RSPRY1: variants seen among roughly 807,000 people sequenced by gnomAD.
The protein encoded by RSPRY1 is ring finger and SPRY domain containing 1, also known as RING finger and SPRY domain-containing protein 1.
A neutral mutation model predicts 73.1 loss-of-function variants in RSPRY1; 23 were observed. The ratio of observed to expected loss-of-function variants is 0.31; its 90% CI spans 0.23 to 0.45. RSPRY1 has a LOEUF of 0.45. Among genes scored for constraint, RSPRY1 ranks in the 20% least tolerant of loss-of-function variants. RSPRY1 has a pLI of 1.00. For synonymous variants in RSPRY1, 226 were observed against 251.4 expected (o/e 0.90, Z 0.95); for missense variants, 448 against 698.7 (o/e 0.64, Z 4.05).
chr16:57,199,560 A>G (rs2074521350), intron 1 of RSPRY1, among the ~76,000 whole-genome samples: 1 of 152,254 alleles, frequency 6.6e-6, no homozygotes. Flanking sequence ...GAAGCTTTTA[A>G]GAGGTTAGTT....
At chr16:57,224,456 T>G (rs1412068047) in intron 10 of RSPRY1, 1 of 152,260 alleles carries the variant, frequency 6.6e-6, no homozygotes. Context: ...AAGCTGTGGA[T>G]AAACTTTCTT....
chr16:57,204,625 G>A lies in RSPRY1; in HGVS notation c.-34G>A, dbSNP rs1842345161. ...TGCAAATTCCTCAACTCCAGGTTAT[G>A]AAAACAGTACTTGGAAAACTGAAAA... On this transcript the variant is annotated 5_prime_UTR_variant, in exon 2 of 15. It removes an upstream start codon present in the reference 5' UTR. Transcript: ENST00000394420. 1 of 1,592,988 alleles carries A rather than the reference G, an allele frequency of 6.3e-7. No individual in the cohort carries two copies. Among genetic ancestry groups the A allele is most frequent in the Non-Finnish European group, 8.6e-7 (1 of 1,165,490 alleles).
At chr16:57,188,990 C>CT (rs111782511) in intron 1 of RSPRY1, among the ~76,000 whole-genome samples, 5,358 of 121,396 alleles carry the variant, frequency 0.044, 324 homozygotes, top group East Asian at 0.21. Flanking sequence ...TACTCAGTGA[C>CT]TTTTTTTTTT....
chr16:57,186,367 C>G lies in RSPRY1; in HGVS notation c.-240C>G, dbSNP rs2074175817. ...GGCAGCGCCGTGGCCTCGCGTCCAT[C>G]TTTGCCGTTCTCTCGGACCTGTCAC... is the stretch of plus-strand genomic sequence containing the variant. On this transcript the variant is annotated 5_prime_UTR_variant, in exon 1 of 15. In the 5' UTR this introduces an upstream ATG that the reference lacks. Transcript: ENST00000394420. 1 of 169,940 alleles carries G rather than the reference C, an allele frequency of 5.9e-6. No homozygotes were observed. Among genetic ancestry groups the G allele is most frequent in the Admixed American group, 6.5e-5 (1 of 15,300 alleles). The allele number at this position is 169,940 out of a possible 1,614,324, so 10.5% of individuals were successfully genotyped here. A position where few individuals can be genotyped will look rare whatever the true frequency, so the allele number is the denominator to read the frequency against.
rs1310683924 is a variant in RSPRY1 at position 57,239,037 on chromosome 16, AAG to A, written c.*64_*65del. On this transcript the variant is annotated 3_prime_UTR_variant, in exon 15 of 15. Transcript: ENST00000394420. The stretch of plus-strand genomic sequence containing the variant: ...AATTCCAGCCAATGTTGAAAAGAAA[AAG>A]AAAAAAAAAACTCTCTAATCAGTTG... 8.9e-6 allele frequency: 8 copies of A among 899,276 alleles called. No individual in the cohort carries two copies. In the African/African-American group the frequency reaches 1.4e-4, roughly 15 times the overall value. 55.7% of individuals were successfully genotyped at this position (899,276 alleles called of 1,614,324 possible). A position where few individuals can be genotyped will look rare whatever the true frequency, so the allele number is the denominator to read the frequency against.
intron 3 of RSPRY1, 44 bp from the exon 4 acceptor site, chr16:57,209,030 TA>T: frequency 7.7e-7 from 1 of 1,303,822 alleles, no homozygotes; most frequent in Non-Finnish European, 1.1e-6. Context: ...TTTCACATTT[TA>T]AAAATAGTGA....
chr16:57,192,717 T>C (rs537952603), intron 1 of RSPRY1, among the ~76,000 whole-genome samples: 66 of 148,824 alleles, frequency 4.4e-4, no homozygotes, highest in African/African-American at 1.7e-3. Flanking sequence ...TCTTTTTTTT[T>C]TTTTTTTTTT....
rs369095150 is a variant in RSPRY1, at chr16:57,231,355, C to T, written c.1529+36C>T. 7 of 1,561,962 alleles carry T rather than the reference C, an allele frequency of 4.5e-6. No individual in the cohort carries two copies. In the African/African-American group the frequency reaches 9.6e-5, roughly 21 times the overall value. ...TGCCCAGGCTATCTCCAGACTTTCA[C>T]ATGAATCTTATGAGAAATTAAACAA... On this transcript the variant is annotated intron_variant, in intron 13 of 14. Coordinates refer to ENST00000394420, the MANE Select transcript of RSPRY1 (RefSeq NM_133368.3).
At chr16:57,196,034 A>AAAAAATATAT (rs1555499007) in intron 1 of RSPRY1, among the ~76,000 whole-genome samples, 1 of 122,822 alleles carries the variant, frequency 8.1e-6, no homozygotes, top group African/African-American at 3.0e-5. Flanking sequence ...AAAAAAAAAA[A>AAAAAATATAT]ATATATATAT....
In RSPRY1 at chr16:57,230,824, C is replaced by T; in HGVS notation, c.1376+11C>T. The T allele has an allele frequency of 6.6e-7, 1 of 1,511,978 alleles. No homozygotes were observed. The highest frequency in any genetic ancestry group is 1.7e-5 in the Admixed American group (1 of 59,346). The allele number at this position is 1,511,978 out of a possible 1,614,324, so 93.7% of individuals were successfully genotyped here. A position where few individuals can be genotyped will look rare whatever the true frequency, so the allele number is the denominator to read the frequency against. On this transcript the variant is annotated intron_variant, in intron 12 of 14. Coordinates refer to ENST00000394420, the MANE Select transcript of RSPRY1 (RefSeq NM_133368.3). ...CTTTTCATCTACTGTGTAAGTAGCT[C>T]TTCTCAGTCAAAAATTCGAGTAGAT...
At chr16:57,205,146 G>A (rs1027384759) in intron 2 of RSPRY1, 138 bp downstream of exon 2, 1 of 629,776 alleles carries the variant, frequency 1.6e-6, no homozygotes, top group Non-Finnish European at 2.8e-6. Context: ...ATATTTTAAT[G>A]CTCCGCTGAT....
chr16:57,237,239 G>C (rs749594884), intron 14 of RSPRY1, among the ~76,000 whole-genome samples: 3 of 151,816 alleles, frequency 2.0e-5, no homozygotes, highest in African/African-American at 7.3e-5. Context: ...TGCCTCCTGG[G>C]TTCATGCAAT....
chr16:57,192,122 G>A (rs1023522767), intron 1 of RSPRY1, among the ~76,000 whole-genome samples: 7 of 152,112 alleles, frequency 4.6e-5, no homozygotes, highest in Non-Finnish European at 1.0e-4. Context: ...ATACATATTA[G>A]GGTCTAATAA....
chr16:57,229,047 A>G (rs1030294483), intron 11 of RSPRY1, among the ~76,000 whole-genome samples: 33 of 152,178 alleles, frequency 2.2e-4, no homozygotes, highest in African/African-American at 7.7e-4. Context: ...TAGTTGTACT[A>G]TGATATACTA....
intron 14 of RSPRY1, among the ~76,000 whole-genome samples, chr16:57,235,778 T>C (rs2075290921): frequency 6.6e-6 from 1 of 152,222 alleles, no homozygotes; most frequent in Non-Finnish European, 1.5e-5. Flanking sequence ...AAGTTGATGT[T>C]ACAAGCCAGC....
At chr16:57,207,904 A>G in intron 2 of RSPRY1, 154 bp from the exon 3 acceptor site, 3 of 629,520 alleles carry the variant, frequency 4.8e-6, no homozygotes, top group East Asian at 2.7e-5. Context: ...TCATCCTTAC[A>G]GGTCATAGCT....
chr16:57,238,290 A>G (rs554101579), intron 14 of RSPRY1, among the ~76,000 whole-genome samples: 116 of 152,366 alleles, frequency 7.6e-4, no homozygotes, highest in African/African-American at 2.6e-3. Flanking sequence ...TAAAAAGAGC[A>G]ACATGATTTT....
chr16:57,205,183 T>C, intron 2 of RSPRY1, 175 bp downstream of exon 2: 1 of 580,550 alleles, frequency 1.7e-6, no homozygotes, highest in Non-Finnish European at 3.1e-6. Context: ...AGATTTGATG[T>C]TTTTGCTTGC....
At chr16:57,206,448 C>T (rs1293938266) in intron 2 of RSPRY1, among the ~76,000 whole-genome samples, 9 of 152,106 alleles carry the variant, frequency 5.9e-5, no homozygotes, top group African/African-American at 2.2e-4. Context: ...TCCCTTGTAC[C>T]AAATTGTAAT....
Sources: allele counts gnomAD v4.1 joint callset (sites outside exome capture counted in the v4.1 genomes callset), GRCh38; gene constraint gnomAD v4.1.1; transcripts MANE v1.5; gene names NCBI Gene and HGNC (gene_info 2026-07-23, HGNC 2026-07-21).